The following PTPRT variants were observed in gnomAD, a reference collection of about 807,000 sequenced individuals.
PTPRT encodes the protein receptor-type tyrosine-protein phosphatase T.
PTPRT carries 56 observed loss-of-function variants against 176.8 expected under a neutral mutation model. That is an observed-to-expected ratio of 0.32 (90% CI 0.26 to 0.40). PTPRT has a LOEUF of 0.40. Ranked by LOEUF, PTPRT falls within the 10% of genes least tolerant of loss-of-function variation. PTPRT has a pLI of 1.00. For synonymous variants in PTPRT, 783 were observed against 739.0 expected (o/e 1.06, Z -0.96); for missense variants, 1,540 against 1,908.2 (o/e 0.81, Z 3.60).
chr20:42,070,332 G>A (rs1321107059), downstream of PTPRT, among the ~76,000 whole-genome samples: 1 of 151,446 alleles, frequency 6.6e-6, no homozygotes, highest in Non-Finnish European at 1.5e-5. Context: ...TCCTAGGTCT[G>A]ACATGCGCTC....
chr20:42,201,611 C>T (rs780426819), intron 15 of PTPRT, among the ~76,000 whole-genome samples: 1 of 151,412 alleles, frequency 6.6e-6, no homozygotes, highest in Non-Finnish European at 1.5e-5. Flanking sequence ...ATAGAGGAAG[C>T]AGTAACCAGA....
intron 1 of PTPRT, among the ~76,000 whole-genome samples, chr20:42,962,727 A>ACACTAC (rs1396640688): frequency 2.0e-5 from 3 of 152,208 alleles, no homozygotes; most frequent in Non-Finnish European, 2.9e-5. Flanking sequence ...ATGTACAGAA[A>ACACTAC]CACTACCACC....
intron 7 of PTPRT, among the ~76,000 whole-genome samples, chr20:42,672,640 G>A (rs538286723): frequency 9.9e-5 from 15 of 152,262 alleles, no homozygotes; most frequent in African/African-American, 3.6e-4. Context: ...CTGGCTGGGA[G>A]TCTTGCTCTG....
chr20:43,069,781 G>A (rs537910872), intron 1 of PTPRT, among the ~76,000 whole-genome samples: 1 of 152,262 alleles, frequency 6.6e-6, no homozygotes, highest in South Asian at 2.1e-4. Flanking sequence ...AGCTTCTTGG[G>A]AGCCGTACTA....
chr20:42,558,005 C>A (rs1390835443), intron 7 of PTPRT, among the ~76,000 whole-genome samples: 1 of 152,160 alleles, frequency 6.6e-6, no homozygotes, highest in South Asian at 2.1e-4. Flanking sequence ...CTTTTACATT[C>A]AGGGGTATAA....
intron 7 of PTPRT, among the ~76,000 whole-genome samples, chr20:42,536,677 C>T (rs991869936): frequency 6.6e-6 from 1 of 152,216 alleles, no homozygotes; most frequent in African/African-American, 2.4e-5. Flanking sequence ...TATCAGAACA[C>T]ATGAGAAGAT....
At chr20:42,122,283 A>G (rs994100873) in intron 19 of PTPRT, among the ~76,000 whole-genome samples, 1 of 152,206 alleles carries the variant, frequency 6.6e-6, no homozygotes, top group Admixed American at 6.5e-5. Flanking sequence ...GATTTAACAT[A>G]TATGTCTTTG....
At chr20:42,221,049 T>C (rs2055874860) in intron 15 of PTPRT, among the ~76,000 whole-genome samples, 2 of 152,176 alleles carry the variant, frequency 1.3e-5, no homozygotes, top group Admixed American at 6.5e-5. Flanking sequence ...TCCCAGGCTA[T>C]GAGTACAGTG....
At chr20:42,541,518 TAAA>T (rs1568963061) in intron 7 of PTPRT, among the ~76,000 whole-genome samples, 1 of 464 alleles carries the variant, frequency 2.2e-3, no homozygotes, top group Non-Finnish European at 4.1e-3. Context: ...TAGTAAATAG[TAAA>T]TAAGTATTTA....
rs367992707 is a variant in PTPRT at position 42,918,073 on chromosome 20, C to A, written c.89-32141G>T. On this transcript the variant is annotated intron_variant, in intron 1 of 30. Coordinates refer to ENST00000373187, the MANE Select transcript of PTPRT (RefSeq NM_007050.6). Reference sequence around the variant, plus strand: ...GGTCCTCTGATCTGCTCTTTCATCTCCTTCTGAGTTCTTGTCTTCTTTCAG... The same window carrying A: ...GGTCCTCTGATCTGCTCTTTCATCTACTTCTGAGTTCTTGTCTTCTTTCAG... 1.6e-4 allele frequency among the ~76,000 whole-genome samples: 24 copies of A among 152,198 alleles called. No individual in the cohort carries two copies. The South Asian group carries it at 1.9e-3, about 12-fold the overall frequency.
intron 13 of PTPRT, among the ~76,000 whole-genome samples, chr20:42,275,404 G>T (rs77356497): frequency 0.033 from 5,080 of 152,228 alleles, 298 homozygotes; most frequent in African/African-American, 0.12. Context: ...CGATCAAGTC[G>T]ACTCAGGTGT....
intron 17 of PTPRT, among the ~76,000 whole-genome samples, chr20:42,152,779 AG>A (rs1365674078): frequency 6.6e-6 from 1 of 152,218 alleles, no homozygotes; most frequent in African/African-American, 2.4e-5. Flanking sequence ...CTAAACTTGC[AG>A]CCAGCTATGG....
intron 1 of PTPRT, among the ~76,000 whole-genome samples, chr20:42,901,865 T>C (rs188754568): frequency 1.2e-3 from 181 of 152,350 alleles, no homozygotes; most frequent in Admixed American, 3.0e-3. Context: ...GCCTCCTGTT[T>C]GTGTAAATAA....
At chr20:42,444,695 T>A (rs545972328) in intron 9 of PTPRT, among the ~76,000 whole-genome samples, 1 of 152,310 alleles carries the variant, frequency 6.6e-6, no homozygotes, top group East Asian at 1.9e-4. Context: ...ATTTGCATTA[T>A]CCTATTTTTC....
chr20:42,036,622 A>T, the PTPRT span, among the ~76,000 whole-genome samples: 10 of 152,220 alleles, frequency 6.6e-5, no homozygotes. Context: ...CCCGAAGAGC[A>T]CTTAAAAGTC....
intron 1 of PTPRT, among the ~76,000 whole-genome samples, chr20:42,962,078 C>CA (rs1190497364): frequency 6.6e-6 from 1 of 152,226 alleles, no homozygotes; most frequent in Non-Finnish European, 1.5e-5. Flanking sequence ...TGTAAGAGAA[C>CA]AGATCTGTGT....
chr20:42,737,380 C>T (rs1041642069), intron 6 of PTPRT, among the ~76,000 whole-genome samples: 5 of 152,142 alleles, frequency 3.3e-5, no homozygotes, highest in African/African-American at 1.2e-4. Context: ...CCTGTAATCC[C>T]AGCATTTTGG....
At position 42,918,064 on chromosome 20, in the gene PTPRT, C is replaced by T. The variant is rs572834297; in HGVS notation, c.89-32132G>A. Reference sequence around the variant, plus strand: ...AGGTGCCTAGGTCCTCTGATCTGCTCTTTCATCTCCTTCTGAGTTCTTGTC... The same window carrying T: ...AGGTGCCTAGGTCCTCTGATCTGCTTTTTCATCTCCTTCTGAGTTCTTGTC... On this transcript the variant is annotated intron_variant, in intron 1 of 30. Coordinates refer to ENST00000373187, the MANE Select transcript of PTPRT (RefSeq NM_007050.6). 4.6e-5 allele frequency among the ~76,000 whole-genome samples: 7 copies of T among 152,230 alleles called. No homozygotes were observed. The South Asian group carries it at 1.5e-3, about 32-fold the overall frequency.
chr20:42,037,212 T>A, the PTPRT span, among the ~76,000 whole-genome samples: 1 of 152,236 alleles, frequency 6.6e-6, no homozygotes, highest in Non-Finnish European at 1.5e-5. Context: ...TCATCACTTT[T>A]GTCTGTAGAC....
Sources: allele counts gnomAD v4.1 joint callset (sites outside exome capture counted in the v4.1 genomes callset), GRCh38; gene constraint gnomAD v4.1.1; transcripts MANE v1.5; gene names NCBI Gene and HGNC (gene_info 2026-07-23, HGNC 2026-07-21).